PCDHGA4: variants seen among roughly 807,000 people sequenced by gnomAD.
PCDHGA4 encodes the protein protocadherin gamma subfamily A, 4.
PCDHGA4 carries 38 observed loss-of-function variants against 54.6 expected under a neutral mutation model. That is an observed-to-expected ratio of 0.70 (90% CI 0.54 to 0.91). PCDHGA4 has a LOEUF of 0.91. Among genes scored for constraint, PCDHGA4 ranks in the 40% least tolerant of loss-of-function variants. The pLI, the probability that PCDHGA4 is intolerant of heterozygous loss-of-function variation, is 0.00. For synonymous variants in PCDHGA4, 511 were observed against 512.9 expected (o/e 1.00, Z 0.05); for missense variants, 1,298 against 1,220.9 (o/e 1.06, Z -0.94).
At chr5:141,397,756 A>AT (rs1283531463) in intron 1 of PCDHGA4, among the ~76,000 whole-genome samples, 1 of 152,210 alleles carries the variant, frequency 6.6e-6, no homozygotes, top group Admixed American at 6.5e-5. Context: ...AGTTGTTATA[A>AT]TTTTTTATTA....
In PCDHGA4 at chr5:141,371,429, G is replaced by A. The variant is rs766625096; in HGVS notation, c.2514+13808G>A. 6.2e-6 allele frequency: 10 copies of A among 1,613,916 alleles called. No homozygotes were observed. In the East Asian group the frequency reaches 1.6e-4, roughly 25 times the overall value. On this transcript the variant is annotated intron_variant, in intron 1 of 3. Transcript: ENST00000571252. ...TTTCAGATGAAAATGACAATGCCCC[G>A]GAGATAACCCTGGCTTCTGAATCCC...
Position 141,490,705 on chromosome 5 carries a change from C to T in PCDHGA4, c.2515-4102C>T. 1 of 1,614,194 alleles carries T rather than the reference C, an allele frequency of 6.2e-7. No individual in the cohort carries two copies. Among genetic ancestry groups the T allele is most frequent in the South Asian group, 1.1e-5 (1 of 91,082 alleles). On this transcript the variant is annotated intron_variant, in intron 1 of 3. Coordinates refer to ENST00000571252, the MANE Select transcript of PCDHGA4 (RefSeq NM_018917.4). This position sits in a 1 kb window ranked among gnomAD's most constrained non-coding sequence, Gnocchi z 5.4. ...TCCAGACACTGGGGATAATGCCCGC[C>T]TCACCTACTCCATTGTAGGAAATCA...
In PCDHGA4 at chr5:141,431,248, G is replaced by C. The variant is rs1213088915; in HGVS notation, c.2515-63559G>C. On this transcript the variant is annotated intron_variant, in intron 1 of 3. Coordinates refer to ENST00000571252, the MANE Select transcript of PCDHGA4 (RefSeq NM_018917.4). This position sits in a 1 kb window ranked among gnomAD's most constrained non-coding sequence, Gnocchi z 4.8. ...CCCACGCCTGGGATCCGGATATCGG[G>C]AAGAACTCTCTGCAGAGCTACGAGC... is the stretch of plus-strand genomic sequence containing the variant. 5 of 1,614,022 alleles carry C rather than the reference G, an allele frequency of 3.1e-6. No homozygotes were observed. Among genetic ancestry groups the C allele is most frequent in the Non-Finnish European group, 4.2e-6 (5 of 1,180,056 alleles).
At chr5:141,449,156 G>T (rs4432943) in intron 1 of PCDHGA4, among the ~76,000 whole-genome samples, 84,481 of 151,978 alleles carry the variant, frequency 0.56, 26,202 homozygotes, top group African/African-American at 0.85. Context: ...GGTCAAAGAG[G>T]AAATAGGTGT....
intron 1 of PCDHGA4, chr5:141,411,852 C>G (rs992038456): frequency 1.3e-5 from 2 of 151,222 alleles, no homozygotes; most frequent in East Asian, 1.9e-4. Context: ...AGAGTGAGAC[C>G]CTGTCTCAAA....
chr5:141,401,000 C>T (rs113065470), intron 1 of PCDHGA4, among the ~76,000 whole-genome samples: 2 of 152,218 alleles, frequency 1.3e-5, no homozygotes, highest in Non-Finnish European at 2.9e-5. Flanking sequence ...CTTTCTTATT[C>T]CTACCTAATG....
chr5:141,390,544 G>A, intron 1 of PCDHGA4: 1 of 505,664 alleles, frequency 2.0e-6, no homozygotes, highest in Non-Finnish European at 3.5e-6. Flanking sequence ...ACCACAAAGT[G>A]AAAGTGTTAG....
chr5:141,382,486 C>T (rs1278703321), intron 1 of PCDHGA4, among the ~76,000 whole-genome samples: 1 of 152,192 alleles, frequency 6.6e-6, no homozygotes, highest in African/African-American at 2.4e-5. Flanking sequence ...GATTATCAAA[C>T]ACCGGTCCAT....
rs778008159 is a variant in PCDHGA4, at chr5:141,356,201, T to C, written c.1094T>C (p.Leu365Pro). The C allele has an allele frequency of 6.4e-5, 103 of 1,607,808 alleles. No individual in the cohort carries two copies. Among genetic ancestry groups the C allele is most frequent in the Middle Eastern group, 1.7e-4 (1 of 6,056 alleles). Residue 365 changes from leucine to proline, a missense_variant, in exon 1 of 4, where the codon CTG (leucine) becomes CCG (proline). Transcript: ENST00000571252. Reference sequence around the variant, plus strand: ...GGTCTCCGAGCTAGAAGCAAGGTACTGGTGACAGTTCTGGATGAAAATGAC... The same window carrying C: ...GGTCTCCGAGCTAGAAGCAAGGTACCGGTGACAGTTCTGGATGAAAATGAC... ...GPGLRARSKV[L>P]VTVLDENDNA...
At chr5:141,410,847 G>GTTTT (rs773839667) in intron 1 of PCDHGA4, 2 of 158,344 alleles carry the variant, frequency 1.3e-5, no homozygotes, top group African/African-American at 1.7e-4. Context: ...TTTTGTCTTT[G>GTTTT]TCTTTTTTTT....
chr5:141,413,517 G>A (rs1561743187), intron 1 of PCDHGA4: 1 of 1,613,946 alleles, frequency 6.2e-7, no homozygotes. Flanking sequence ...ATATCCTTGT[G>A]GAAGACAGGG....
chr5:141,421,709 C>T, intron 1 of PCDHGA4: 1 of 1,613,926 alleles, frequency 6.2e-7, no homozygotes, highest in Non-Finnish European at 8.5e-7. Flanking sequence ...GCTAGGGATC[C>T]AGATGTGGGC....
intron 1 of PCDHGA4, chr5:141,365,377 C>T (rs1259011654): frequency 3.1e-6 from 5 of 1,613,982 alleles, no homozygotes; most frequent in Non-Finnish European, 4.2e-6. Context: ...AAGTGATCCT[C>T]ACCTCTCTGA....
chr5:141,478,259 T>A lies in PCDHGA4; in HGVS notation c.2515-16548T>A, dbSNP rs534973741. ...GGTCACAGTGTTCGGAGTAATCATA[T>A]TCAAAGTTTACAAGTGGAAGCAGTC... On this transcript the variant is annotated intron_variant, in intron 1 of 3. Transcript: ENST00000571252. 3.2e-5 allele frequency: 52 copies of A among 1,614,064 alleles called. No individual in the cohort carries two copies. The highest frequency in any genetic ancestry group is 4.4e-5 in the Non-Finnish European group (52 of 1,180,048).
At chr5:141,433,361 A>G (rs1208326325) in intron 1 of PCDHGA4, 15 of 297,508 alleles carry the variant, frequency 5.0e-5, no homozygotes, top group Non-Finnish European at 7.0e-5. Context: ...CTGTCTGCCT[A>G]TCTATCTATC....
intron 1 of PCDHGA4, chr5:141,365,167 C>A (rs201444039): frequency 2.5e-5 from 41 of 1,613,832 alleles, no homozygotes; most frequent in Non-Finnish European, 3.4e-5. Flanking sequence ...AATTGACCTA[C>A]TCTTTTCGCA....
chr5:141,490,143 A>G lies in PCDHGA4; in HGVS notation c.2515-4664A>G. On this transcript the variant is annotated intron_variant, in intron 1 of 3. Transcript: ENST00000571252. The surrounding 1 kb of genome is among the most constrained non-coding windows in gnomAD (Gnocchi z 5.4). ...TTGGCCTAGACCCTAGCAGTGGGGC[A>G]ATCCATGTGTTGGGTCCCATAGACT... is the stretch of plus-strand genomic sequence containing the variant. 1 of 1,614,234 alleles carries G rather than the reference A, an allele frequency of 6.2e-7. No homozygotes were observed. The highest frequency in any genetic ancestry group is 8.5e-7 in the Non-Finnish European group (1 of 1,180,034).
chr5:141,507,495 G>A (rs375483743), intron 3 of PCDHGA4, among the ~76,000 whole-genome samples: 5 of 152,352 alleles, frequency 3.3e-5, no homozygotes, highest in East Asian at 3.9e-4. Flanking sequence ...AGGCAGAGCT[G>A]TCCCAGGTCT....
intron 1 of PCDHGA4, among the ~76,000 whole-genome samples, chr5:141,455,177 T>C (rs2098816411): frequency 6.6e-6 from 1 of 152,040 alleles, no homozygotes; most frequent in Non-Finnish European, 1.5e-5. Context: ...TTTTAGTTTT[T>C]TTATTTCTCT....
Sources: gnomAD v4.1 joint callset for allele counts (sites outside exome capture counted in the v4.1 genomes callset) on GRCh38, gnomAD v4.1.1 for gene constraint, Gnocchi (gnomAD v3.1) non-coding constraint, MANE v1.5 for transcripts, NCBI Gene and HGNC (gene_info 2026-07-23, HGNC 2026-07-21) for gene names.